Variants in SPATA13 observed in about 807,000 individuals in gnomAD.
SPATA13 encodes spermatogenesis associated 13.
A neutral mutation model predicts 104.0 loss-of-function variants in SPATA13; 50 were observed. That is an observed-to-expected ratio of 0.48 (90% confidence interval 0.38 to 0.61). The LOEUF is 0.61. Among genes scored for constraint, SPATA13 ranks in the 20% least tolerant of loss-of-function variants. SPATA13 has a pLI of 0.00. For missense variants in SPATA13, 1,524 were observed against 1,690.6 expected, an observed-to-expected ratio of 0.90 and a Z score of 1.73; for synonymous variants, 606 against 667.5, an observed-to-expected ratio of 0.91 and a Z score of 1.42.
chr13:24,284,099 G>T (rs936605535), intron 4 of SPATA13, 36 bp from the exon 5 acceptor site: 1 of 1,574,140 alleles, frequency 6.4e-7, no homozygotes, highest in Admixed American at 1.8e-5. Context: ...TGTTAGCTGT[G>T]TCTTTTAAAT....
intron 4 of SPATA13, among the ~76,000 whole-genome samples, chr13:24,260,456 T>TCAC (rs1481032289): frequency 6.6e-6 from 1 of 152,198 alleles, no homozygotes; most frequent in Non-Finnish European, 1.5e-5. Context: ...AGTTGTATCC[T>TCAC]CACCGGGAGT....
rs1367369989 is a variant in SPATA13, at chr13:24,113,366, GCC to G, written c.-112+95666_-112+95667del. Among the ~76,000 whole-genome samples the G allele has an allele frequency of 1.5e-4, 23 of 152,240 alleles. No homozygotes were observed. The East Asian group carries it at 4.4e-3, about 29-fold the overall frequency. The stretch of plus-strand genomic sequence containing the variant: ...GCTTGTAATCCCAGCACTTTGGGAG[GCC>G]AAGGCGGGTGGATCACTTGAGGTCA... On this transcript the variant is annotated intron_variant, in intron 3 of 14. Coordinates refer to the SPATA13 transcript ENST00000424834.
intron 3 of SPATA13, among the ~76,000 whole-genome samples, chr13:24,029,296 T>A (rs948585003): frequency 6.6e-6 from 1 of 152,188 alleles, no homozygotes; most frequent in African/African-American, 2.4e-5. Flanking sequence ...TAATTTTTGT[T>A]TGCTTTTACC....
chr13:24,230,226 C>G (rs1475201653), intron 2 of SPATA13, among the ~76,000 whole-genome samples: 1 of 152,202 alleles, frequency 6.6e-6, no homozygotes, highest in South Asian at 2.1e-4. Flanking sequence ...CCTCACCACT[C>G]AACACCTGCT....
intron 1 of SPATA13, among the ~76,000 whole-genome samples, chr13:24,220,595 T>C (rs1359259629): frequency 6.6e-6 from 1 of 152,252 alleles, no homozygotes; most frequent in Non-Finnish European, 1.5e-5. Context: ...ATCGCAGAGA[T>C]GATTCAAGCC....
chr13:24,225,862 A>G (rs1871903964), intron 2 of SPATA13, among the ~76,000 whole-genome samples: 1 of 152,182 alleles, frequency 6.6e-6, no homozygotes, highest in African/African-American at 2.4e-5. Context: ...TGGGCGAGCC[A>G]TCCGGGAAAG....
At chr13:24,123,498 T>A in intron 3 of SPATA13, 1 of 1,607,978 alleles carries the variant, frequency 6.2e-7, no homozygotes, top group Non-Finnish European at 8.5e-7. Context: ...GCCAATCATA[T>A]GCAGGGCTCC....
At chr13:24,108,158 C>T (rs1880515372) in intron 3 of SPATA13, among the ~76,000 whole-genome samples, 1 of 152,170 alleles carries the variant, frequency 6.6e-6, no homozygotes, top group African/African-American at 2.4e-5. Context: ...GGGACACGCC[C>T]CTCAAGCCCT....
chr13:24,289,469 A>G (rs571010786), intron 8 of SPATA13, among the ~76,000 whole-genome samples: 1 of 152,346 alleles, frequency 6.6e-6, no homozygotes, highest in South Asian at 2.1e-4. Flanking sequence ...GTTATGCCAT[A>G]AGAACTATGG....
At chr13:24,194,288 A>G (rs1254962723) in intron 1 of SPATA13, among the ~76,000 whole-genome samples, 2 of 152,242 alleles carry the variant, frequency 1.3e-5, no homozygotes, top group Non-Finnish European at 2.9e-5. Flanking sequence ...CATTTCAAAT[A>G]TATGACTTAC....
At chr13:24,244,080 A>G (rs959004176) in intron 2 of SPATA13, among the ~76,000 whole-genome samples, 1 of 152,200 alleles carries the variant, frequency 6.6e-6, no homozygotes, top group Non-Finnish European at 1.5e-5. Flanking sequence ...AGCCTCTTCC[A>G]GCTTGCAGTG....
chr13:24,129,389 C>T (rs1321791383), intron 3 of SPATA13, among the ~76,000 whole-genome samples: 2 of 152,208 alleles, frequency 1.3e-5, no homozygotes, highest in Non-Finnish European at 2.9e-5. Context: ...ATTGCCAAAA[C>T]ACACAGAACA....
chr13:24,201,217 G>A (rs1870385186), intron 1 of SPATA13, among the ~76,000 whole-genome samples: 1 of 152,108 alleles, frequency 6.6e-6, no homozygotes, highest in South Asian at 2.1e-4. Flanking sequence ...CCTGTCATGT[G>A]TACAAAGCTC....
intron 3 of SPATA13, chr13:24,123,665 C>T: frequency 6.3e-7 from 1 of 1,593,654 alleles, no homozygotes; most frequent in Non-Finnish European, 8.6e-7. Context: ...CATCAAACTT[C>T]ATGCATATAT....
chr13:24,070,043 C>T (rs1013528767), intron 3 of SPATA13, among the ~76,000 whole-genome samples: 1 of 152,196 alleles, frequency 6.6e-6, no homozygotes, highest in African/African-American at 2.4e-5. Context: ...GCAGCATGGA[C>T]ATTTGAGGAA....
At chr13:24,130,880 C>T (rs946302816) in intron 3 of SPATA13, among the ~76,000 whole-genome samples, 2 of 152,120 alleles carry the variant, frequency 1.3e-5, no homozygotes, top group East Asian at 1.9e-4. Context: ...TGTAAGGAGC[C>T]GGGAATCTCT....
At chr13:24,039,131 A>G (rs1196113930) in intron 3 of SPATA13, among the ~76,000 whole-genome samples, 1 of 152,222 alleles carries the variant, frequency 6.6e-6, no homozygotes, top group Non-Finnish European at 1.5e-5. Context: ...ATAATTAGTG[A>G]ACCTTTCTTC....
chr13:24,271,035 T>TCTCA, intron 4 of SPATA13: 64 of 704,122 alleles, frequency 9.1e-5, no homozygotes, highest in African/African-American at 1.3e-4. Context: ...TCTCTCTCTC[T>TCTCA]CTCTCACTCT....
intron 1 of SPATA13, among the ~76,000 whole-genome samples, chr13:24,209,390 T>G (rs1221928371): frequency 1.3e-5 from 2 of 152,196 alleles, no homozygotes; most frequent in Non-Finnish European, 2.9e-5. Context: ...GTAAGGGAAT[T>G]AAGAGATGAA....
Sources: allele counts gnomAD v4.1 joint callset (sites outside exome capture counted in the v4.1 genomes callset), GRCh38; gene constraint gnomAD v4.1.1; transcripts MANE v1.5; gene names NCBI Gene and HGNC (gene_info 2026-07-23, HGNC 2026-07-21).